The following ZNF267 variants were observed in gnomAD, a reference collection of about 807,000 sequenced individuals.
ZNF267 encodes zinc finger (C2H2).
In ZNF267, 61 loss-of-function variants were observed where a neutral mutation model predicts 71.6. That is an observed-to-expected ratio of 0.85 (90% confidence interval 0.69 to 1.05). The LOEUF (loss-of-function observed/expected upper bound fraction) is 1.05. Among genes scored for constraint, ZNF267 ranks in the 50% least tolerant of loss-of-function variants. The probability of loss-of-function intolerance (pLI) is 0.00; values close to 1 mark genes in which losing one functional copy is unlikely to be tolerated. For synonymous variants in ZNF267, 288 were observed against 293.2 expected (o/e 0.98, Z 0.18); for missense variants, 852 against 870.0 (o/e 0.98, Z 0.26).
chr16:31,899,078 A>C (rs1224950352), intron 3 of ZNF267, among the ~76,000 whole-genome samples: 1 of 152,178 alleles, frequency 6.6e-6, no homozygotes, highest in African/African-American at 2.4e-5. Context: ...CTCACACACA[A>C]TAATAATGGG....
chr16:31,915,648 A>G lies in ZNF267; in HGVS notation c.1399A>G (p.Lys467Glu). 1.2e-6 allele frequency: 2 copies of G among 1,613,946 alleles called. No individual in the cohort carries two copies. Among genetic ancestry groups the G allele is most frequent in the Non-Finnish European group, 1.7e-6 (2 of 1,179,978 alleles). Residue 467 changes from lysine (K) to glutamate (E), a missense_variant, in exon 4 of 4, where the codon AAA becomes GAA. Lys to Glu is a moderately conservative substitution (Grantham distance 56, BLOSUM62 1). Coordinates refer to ENST00000300870, the MANE Select transcript of ZNF267 (RefSeq NM_003414.6). ...THTGEKLYKC[K>E]VCSKSYARSS... ...TACAGGAGAAAAACTTTACAAATGT[A>G]AAGTATGTAGCAAATCTTATGCTCG...
intron 3 of ZNF267, among the ~76,000 whole-genome samples, chr16:31,895,736 ATTT>A (rs1246366398): frequency 2.0e-5 from 3 of 152,146 alleles, no homozygotes; most frequent in Non-Finnish European, 4.4e-5. Flanking sequence ...GATTTTGAGC[ATTT>A]TTTATGTACC....
At chr16:31,898,327 C>G (rs1040809102) in intron 3 of ZNF267, among the ~76,000 whole-genome samples, 1 of 151,916 alleles carries the variant, frequency 6.6e-6, no homozygotes, top group Non-Finnish European at 1.5e-5. Flanking sequence ...ATGTTCAGCC[C>G]ATGTGTGTTT....
intron 1 of ZNF267, among the ~76,000 whole-genome samples, chr16:31,878,480 G>A (rs906854333): frequency 6.6e-5 from 10 of 152,240 alleles, no homozygotes; most frequent in African/African-American, 2.4e-4. Flanking sequence ...CTTTGCTTCC[G>A]GTTTCCTGCC....
intron 3 of ZNF267, among the ~76,000 whole-genome samples, chr16:31,904,305 G>A (rs528012656): frequency 0.013 from 2,042 of 152,242 alleles, 21 homozygotes; most frequent in Non-Finnish European, 0.023. Context: ...TATTAGGTCC[G>A]CTTGGTGCAG....
intron 3 of ZNF267, among the ~76,000 whole-genome samples, chr16:31,891,661 C>G (rs1355208989): frequency 6.6e-6 from 1 of 152,180 alleles, no homozygotes; most frequent in East Asian, 1.9e-4. Context: ...TGCACAGGCT[C>G]TCTTCTCTTG....
rs371180899 is a variant in ZNF267 at position 31,915,288 on chromosome 16, G to A, written c.1039G>A (p.Glu347Lys). 1 of 1,613,698 alleles carries A rather than the reference G, an allele frequency of 6.2e-7. No homozygotes were observed. Among genetic ancestry groups the A allele is most frequent in the African/African-American group, 1.3e-5 (1 of 74,920 alleles). The change falls in exon 4 of 4, where the codon GAG becomes AAG. Residue 347 changes from glutamate (E) to lysine (K), a missense_variant. Transcript: ENST00000300870. Reference sequence around the variant, plus strand: ...TCAACATCAGATCATTCCTACCGAAGAGAAACCCTGTAAATGGAAAGAATG... The same window carrying A: ...TCAACATCAGATCATTCCTACCGAAAAGAAACCCTGTAAATGGAAAGAATG... ...LTQHQIIPTE[E>K]KPCKWKECGK... is the part of the protein sequence containing the mutation.
At chr16:31,890,105 T>C (rs1056566222) in intron 3 of ZNF267, 1 of 152,258 alleles carries the variant, frequency 6.6e-6, no homozygotes. Context: ...ATTCTCATAC[T>C]GTTTGATAAA....
intron 1 of ZNF267, among the ~76,000 whole-genome samples, chr16:31,880,354 CTGT>C (rs2083881394): frequency 6.6e-6 from 1 of 152,194 alleles, no homozygotes; most frequent in Non-Finnish European, 1.5e-5. Context: ...GGGGCCACCA[CTGT>C]CCAGAGCCAT....
chr16:31,881,593 C>T (rs1189089453), intron 1 of ZNF267, among the ~76,000 whole-genome samples: 1 of 151,988 alleles, frequency 6.6e-6, no homozygotes. Flanking sequence ...TTCTGCAGAT[C>T]CAGTAGTTGC....
Position 31,885,262 on chromosome 16 carries a change from T to C in ZNF267, c.226+6T>C, listed in dbSNP as rs746185240. On this transcript the variant is annotated splice_donor_region_variant and intron_variant, in intron 3 of 3. Coordinates refer to ENST00000300870, the MANE Select transcript of ZNF267 (RefSeq NM_003414.6). ...GACAGTAGCCATCCAGCCAGGTAGG[T>C]GGGAGCGAATGAAGTAGATGACATG... The C allele has an allele frequency of 1.7e-5, 28 of 1,603,552 alleles. No homozygotes were observed. The highest frequency in any genetic ancestry group is 2.1e-4 in the Middle Eastern group (1 of 4,656).
Position 31,897,156 on chromosome 16 carries a change from AC to A in ZNF267, c.226+11901del, listed in dbSNP as rs202215224. Among the ~76,000 whole-genome samples the A allele has an allele frequency of 7.6e-3, 1,137 of 149,054 alleles. 12 individuals are homozygous for A. Among genetic ancestry groups the A allele is most frequent in the African/African-American group, 0.022 (895 of 41,090 alleles). On this transcript the variant is annotated intron_variant, in intron 3 of 3. Coordinates refer to ENST00000300870, the MANE Select transcript of ZNF267 (RefSeq NM_003414.6). The stretch of plus-strand genomic sequence containing the variant: ...CACCAAAAAAACAAAACAAAACAAA[AC>A]AAAAAAAACCCAGAAACAACAAAAC...
intron 3 of ZNF267, among the ~76,000 whole-genome samples, chr16:31,893,984 A>G (rs2083978694): frequency 6.6e-6 from 1 of 152,252 alleles, no homozygotes; most frequent in Non-Finnish European, 1.5e-5. Context: ...GTGACAGGAC[A>G]AAGGCCAAGT....
At chr16:31,882,685 T>G (rs2083898473) in intron 1 of ZNF267, among the ~76,000 whole-genome samples, 1 of 152,202 alleles carries the variant, frequency 6.6e-6, no homozygotes, top group Non-Finnish European at 1.5e-5. Context: ...AGATTGTTTT[T>G]TTATGATTAT....
chr16:31,914,647 CTT>C lies in ZNF267; in HGVS notation c.401_402del (p.Phe134Ter). 1 of 1,613,964 alleles carries C rather than the reference CTT, an allele frequency of 6.2e-7. No individual in the cohort carries two copies. The highest frequency in any genetic ancestry group is 8.5e-7 in the Non-Finnish European group (1 of 1,179,964). ...CACAATGGATGTTATGATGAAAAGA[CTT>C]TTAAATATGATCAATTTGATGAATC... On this transcript the variant is annotated frameshift_variant, in exon 4 of 4. Transcript: ENST00000300870. LOFTEE classifies it high-confidence loss of function.
At position 31,875,006 on chromosome 16, in the gene ZNF267, C is replaced by T. The variant is rs188285990; in HGVS notation, c.3+1037C>T. 156 of 681,874 alleles carry T rather than the reference C, an allele frequency of 2.3e-4. No homozygotes were observed. The African/African-American group carries it at 2.7e-3, about 12-fold the overall frequency. The allele number at this position is 681,874 out of a possible 1,614,324, so 42.2% of individuals were successfully genotyped here. A position where few individuals can be genotyped will look rare whatever the true frequency, so the allele number is the denominator to read the frequency against. ...TTGTGTTTTTTTGGCATACATTTCA[C>T]GTGAGAGGAAAGCAGAGAATAAAAA... On this transcript the variant is annotated intron_variant, in intron 1 of 3. Coordinates refer to ENST00000300870, the MANE Select transcript of ZNF267 (RefSeq NM_003414.6).
At chr16:31,895,488 T>G (rs2083991718) in intron 3 of ZNF267, among the ~76,000 whole-genome samples, 1 of 152,236 alleles carries the variant, frequency 6.6e-6, no homozygotes, top group Non-Finnish European at 1.5e-5. Flanking sequence ...TACCCAGTAG[T>G]GGAATTGCTG....
At chr16:31,912,109 A>C (rs2084140245) in intron 3 of ZNF267, 1 of 150,984 alleles carries the variant, frequency 6.6e-6, no homozygotes. Flanking sequence ...ATATTATAAT[A>C]CTCAGTTTTT....
intron 2 of ZNF267, 70 bp downstream of exon 2, chr16:31,884,694 G>T: frequency 1.3e-6 from 2 of 1,502,388 alleles, no homozygotes; most frequent in Middle Eastern, 1.8e-4. Context: ...TGTCCCTTGG[G>T]ATCTTGTGCT....
Sources: allele counts gnomAD v4.1 joint callset (sites outside exome capture counted in the v4.1 genomes callset), GRCh38; gene constraint gnomAD v4.1.1; transcripts MANE v1.5; gene names NCBI Gene and HGNC (gene_info 2026-07-23, HGNC 2026-07-21).